Variants in COG5 observed in about 807,000 individuals in gnomAD.
COG5 encodes the protein component of oligomeric golgi complex 5.
COG5 carries 86 observed loss-of-function variants against 110.4 expected under a neutral mutation model. The observed-to-expected ratio is 0.78, with a 90% CI of 0.65 to 0.93. COG5 has a LOEUF of 0.93. COG5 is among the 40% of genes least tolerant of loss of function. The pLI is 0.00. For synonymous variants in COG5, 360 were observed against 334.6 expected, an observed-to-expected ratio of 1.08 and a Z score of -0.83; for missense variants, 1,077 against 987.0, an observed-to-expected ratio of 1.09 and a Z score of -1.22.
chr7:107,404,219 G>A (rs1419655130), intron 7 of COG5, among the ~76,000 whole-genome samples: 1 of 152,120 alleles, frequency 6.6e-6, no homozygotes, highest in East Asian at 1.9e-4. Flanking sequence ...CTCAATAAGA[G>A]AGGATCATCA....
chr7:107,474,774 T>C lies in COG5; in HGVS notation c.538+52463A>G, dbSNP rs1563055778. ...CATACACCAAAATACTTCAGGCTCTTAATATTCGAATAGGCACAAGATTTT... is the reference window on the plus strand; with the variant it reads ...CATACACCAAAATACTTCAGGCTCTCAATATTCGAATAGGCACAAGATTTT... On this transcript the variant is annotated intron_variant, in intron 6 of 21. Coordinates refer to ENST00000297135, the MANE Select transcript of COG5 (RefSeq NM_006348.5). This position sits in a 1 kb window ranked among gnomAD's most constrained non-coding sequence, Gnocchi z 5.7. The C allele has an allele frequency of 6.2e-7, 1 of 1,611,308 alleles. No individual in the cohort carries two copies. The highest frequency in any genetic ancestry group is 8.5e-7 in the Non-Finnish European group (1 of 1,178,894).
At chr7:107,478,782 G>A (rs1797139798) in intron 6 of COG5, among the ~76,000 whole-genome samples, 1 of 151,770 alleles carries the variant, frequency 6.6e-6, no homozygotes. Flanking sequence ...TCAGTTCCTT[G>A]GGCATTAAAA....
intron 10 of COG5, among the ~76,000 whole-genome samples, chr7:107,330,812 G>C (rs930986952): frequency 6.1e-5 from 9 of 148,720 alleles, no homozygotes; most frequent in African/African-American, 2.2e-4. Flanking sequence ...AGGATCTCTT[G>C]AGCTAGATCC....
intron 6 of COG5, among the ~76,000 whole-genome samples, chr7:107,465,761 T>G (rs1048604903): frequency 6.6e-6 from 1 of 152,198 alleles, no homozygotes; most frequent in Non-Finnish European, 1.5e-5. Flanking sequence ...ACTGAGTTTA[T>G]AGTAGAACTA....
chr7:107,434,533 A>T (rs542216587), intron 6 of COG5, among the ~76,000 whole-genome samples: 278 of 152,334 alleles, frequency 1.8e-3, no homozygotes, highest in African/African-American at 6.0e-3. Context: ...ATCACCACTG[A>T]AGAACTTATT....
chr7:107,563,811 A>G lies in COG5; in HGVS notation c.86T>C (p.Leu29Pro). Residue 29 changes from leucine to proline, a missense_variant, in exon 1 of 22, where the codon CTG (leucine) becomes CCG (proline). Leu to Pro is a moderately conservative substitution (Grantham distance 98). Transcript: ENST00000297135. ...GAAAATVRELLQDGCYSDFLN... is the reference protein window; with the variant it reads ...GAAAATVRELPQDGCYSDFLN... ...AGACCCCGTCTCCTTACCGTCCTGC[A>G]GAAGTTCCCGGACTGTAGCTGCAGC... 1 of 1,613,894 alleles carries G rather than the reference A, an allele frequency of 6.2e-7. No homozygotes were observed. Among genetic ancestry groups the G allele is most frequent in the Non-Finnish European group, 8.5e-7 (1 of 1,179,882 alleles).
At chr7:107,293,693 G>T (rs1257377064) in intron 12 of COG5, among the ~76,000 whole-genome samples, 5 of 151,958 alleles carry the variant, frequency 3.3e-5, no homozygotes, top group Admixed American at 1.3e-4. Context: ...TATAAATGCT[G>T]GTACCTTTCT....
At chr7:107,292,491 AG>A (rs1422503657) in intron 12 of COG5, among the ~76,000 whole-genome samples, 2 of 152,196 alleles carry the variant, frequency 1.3e-5, no homozygotes, top group African/African-American at 4.8e-5. Flanking sequence ...TGAGTGGTTA[AG>A]CTAAATATTA....
chr7:107,362,359 G>C lies in COG5; in HGVS notation c.897C>G (p.Phe299Leu), dbSNP rs1813196055. The change falls in exon 9 of 22, where the codon TTC (phenylalanine) becomes TTG (leucine). Residue 299 changes from phenylalanine to leucine, a missense_variant. Coordinates refer to ENST00000297135, the MANE Select transcript of COG5 (RefSeq NM_006348.5). ...PGNTAALRAS[F>L]WTNMEKLMDH... ...CCATAAGTTTCTCCATATTGGTCCA[G>C]AATGAGGCACGCAAAGCTGCAGTAT... 1.2e-6 allele frequency: 2 copies of C among 1,613,818 alleles called. No homozygotes were observed. The highest frequency in any genetic ancestry group is 3.3e-5 in the Admixed American group (2 of 59,990).
At chr7:107,354,020 T>C (rs574638905) in intron 10 of COG5, among the ~76,000 whole-genome samples, 3 of 152,318 alleles carry the variant, frequency 2.0e-5, no homozygotes, top group South Asian at 2.1e-4. Flanking sequence ...CAAATGTTTA[T>C]TTTTTGTCTG....
chr7:107,415,872 GTA>G (rs1279196104), intron 6 of COG5, among the ~76,000 whole-genome samples: 2 of 67,690 alleles, frequency 3.0e-5, no homozygotes, highest in African/African-American at 5.8e-5. Context: ...ACGTATGTAT[GTA>G]TGTGTGTGTA....
At chr7:107,346,017 T>A (rs142849180) in intron 10 of COG5, among the ~76,000 whole-genome samples, 2 of 152,182 alleles carry the variant, frequency 1.3e-5, no homozygotes. Context: ...GAACCAATAA[T>A]ATCTTTCACT....
intron 10 of COG5, among the ~76,000 whole-genome samples, chr7:107,332,558 G>A (rs1484250108): frequency 1.3e-5 from 2 of 152,144 alleles, no homozygotes; most frequent in East Asian, 1.9e-4. Flanking sequence ...CCTGAGGGAG[G>A]AGAGATTTAA....
intron 6 of COG5, among the ~76,000 whole-genome samples, chr7:107,525,553 C>CTTT (rs11465057): frequency 2.1e-5 from 3 of 146,314 alleles, no homozygotes; most frequent in African/African-American, 5.0e-5. Flanking sequence ...TTAAAGTTAA[C>CTTT]TTTTTTTTTT....
chr7:107,354,405 G>T (rs1303029310), intron 10 of COG5, among the ~76,000 whole-genome samples: 1 of 152,224 alleles, frequency 6.6e-6, no homozygotes, highest in Non-Finnish European at 1.5e-5. Flanking sequence ...AGGGCTGGGT[G>T]TGGTGGCTCA....
At chr7:107,508,381 G>T (rs193227946) in intron 6 of COG5, among the ~76,000 whole-genome samples, 7 of 152,318 alleles carry the variant, frequency 4.6e-5, no homozygotes, top group South Asian at 2.1e-4. Flanking sequence ...AAGCAGCCCC[G>T]AAGCTCCAAC....
rs181550939 is a variant in COG5 at position 107,464,678 on chromosome 7, C to T, written c.539-52046G>A. Among the ~76,000 whole-genome samples, 8 of 152,192 alleles carry T rather than the reference C, an allele frequency of 5.3e-5. No individual in the cohort carries two copies. The East Asian group carries it at 7.8e-4, about 15-fold the overall frequency. On this transcript the variant is annotated intron_variant, in intron 6 of 21. Coordinates refer to ENST00000297135, the MANE Select transcript of COG5 (RefSeq NM_006348.5). Reference sequence around the variant, plus strand: ...CCCTATTTATAAGCTGTGAAGCTAGCCTGTTACTGTTTCATGGATGCTAAC... The same window carrying T: ...CCCTATTTATAAGCTGTGAAGCTAGTCTGTTACTGTTTCATGGATGCTAAC...
Position 107,563,788 on chromosome 7 carries a change from A to G in COG5, c.94+15T>C, listed in dbSNP as rs1356923565. The G allele has an allele frequency of 2.0e-5, 33 of 1,613,522 alleles. No individual in the cohort carries two copies. The highest frequency in any genetic ancestry group is 2.7e-5 in the Non-Finnish European group (32 of 1,179,796). On this transcript the variant is annotated intron_variant, in intron 1 of 21. Coordinates refer to ENST00000297135, the MANE Select transcript of COG5 (RefSeq NM_006348.5). ...ACCCCCAACCCCACGACCTGGTCAG[A>G]CCCCGTCTCCTTACCGTCCTGCAGA...
intron 12 of COG5, among the ~76,000 whole-genome samples, chr7:107,295,010 TAC>T (rs1806546438): frequency 8.7e-6 from 1 of 115,362 alleles, no homozygotes; most frequent in Non-Finnish European, 1.8e-5. Flanking sequence ...CATCTATATA[TAC>T]ACACATATAT....
Sources: allele counts gnomAD v4.1 joint callset (sites outside exome capture counted in the v4.1 genomes callset), GRCh38; gene constraint gnomAD v4.1.1; non-coding constraint Gnocchi (gnomAD v3.1); transcripts MANE v1.5; gene names NCBI Gene and HGNC (gene_info 2026-07-23, HGNC 2026-07-21).